SECISBP2L: variants seen among roughly 807,000 people sequenced by gnomAD.
SECISBP2L encodes the protein SECIS binding protein 2 like, also known as selenocysteine insertion sequence-binding protein 2-like.
SECISBP2L carries 43 observed loss-of-function variants against 114.7 expected under a neutral mutation model. The ratio of observed to expected loss-of-function variants is 0.38; its 90% CI spans 0.29 to 0.48. The LOEUF is 0.48. Among genes scored for constraint, SECISBP2L ranks in the 20% least tolerant of loss-of-function variants. The probability of loss-of-function intolerance (pLI) is 0.98; values close to 1 mark genes in which losing one functional copy is unlikely to be tolerated. For synonymous variants in SECISBP2L, 451 were observed against 439.7 expected, an observed-to-expected ratio of 1.03 and a Z score of -0.32; for missense variants, 1,136 against 1,301.1, an observed-to-expected ratio of 0.87 and a Z score of 1.95.
In SECISBP2L at chr15:48,989,721, CTA is replaced by C. The variant is rs1419714602; in HGVS notation, c.*2521_*2522del. 3 of 152,112 alleles carry C rather than the reference CTA, an allele frequency of 2.0e-5. No homozygotes were observed. Among genetic ancestry groups the C allele is most frequent in the Non-Finnish European group, 4.4e-5 (3 of 68,008 alleles). The allele number at this position is 152,112 out of a possible 1,614,324, so 9.4% of individuals were successfully genotyped here. A position where few individuals can be genotyped will look rare whatever the true frequency, so the allele number is the denominator to read the frequency against. Reference sequence around the variant, plus strand: ...CTCTACACATTAAGAGAAAAAATCACTATGTTTTTTATTTCTTGTGATGATGA... The same window carrying C: ...CTCTACACATTAAGAGAAAAAATCACTGTTTTTTATTTCTTGTGATGATGA... On this transcript the variant is annotated 3_prime_UTR_variant, in exon 18 of 18. Coordinates refer to ENST00000559471, the MANE Select transcript of SECISBP2L (RefSeq NM_001193489.2).
At chr15:49,046,051 C>G (rs1196863929) in intron 1 of SECISBP2L, among the ~76,000 whole-genome samples, 1 of 152,188 alleles carries the variant, frequency 6.6e-6, no homozygotes, top group African/African-American at 2.4e-5. Context: ...GAAGCGGCAA[C>G]GGCGAGCCCT....
At chr15:49,039,691 T>C (rs891720398) in intron 1 of SECISBP2L, among the ~76,000 whole-genome samples, 3 of 151,338 alleles carry the variant, frequency 2.0e-5, no homozygotes, top group South Asian at 2.1e-4. Flanking sequence ...CACATCACCA[T>C]ACCCAGCAAA....
chr15:49,015,441 GCACA>G (rs1902517618), intron 11 of SECISBP2L, among the ~76,000 whole-genome samples: 1 of 152,068 alleles, frequency 6.6e-6, no homozygotes, highest in Non-Finnish European at 1.5e-5. Flanking sequence ...TAAACGTTTT[GCACA>G]CAGGTTAAAA....
At chr15:49,038,512 A>G (rs565801578) in intron 1 of SECISBP2L, among the ~76,000 whole-genome samples, 18 of 152,152 alleles carry the variant, frequency 1.2e-4, no homozygotes, top group African/African-American at 4.1e-4. Context: ...AAAATCCATA[A>G]AAGTCAGGAT....
At chr15:49,016,722 A>G in intron 10 of SECISBP2L, 21 bp from the exon 11 acceptor site, 1 of 1,524,730 alleles carries the variant, frequency 6.6e-7, no homozygotes, top group Non-Finnish European at 8.8e-7. Context: ...AATATAAAAA[A>G]TTAATTTTTT....
rs145065907 is a variant in SECISBP2L at position 49,029,145 on chromosome 15, C to T, written c.665-463G>A. Among the ~76,000 whole-genome samples, 810 of 152,270 alleles carry T rather than the reference C, an allele frequency of 5.3e-3. 13 individuals are homozygous for T. Among genetic ancestry groups the T allele is most frequent in the African/African-American group, 0.018 (764 of 41,568 alleles). ...CTGGGATTACAGGCATGAGCTACCT[C>T]GCCCAGTCTATATGTTCTATATGTT... On this transcript the variant is annotated intron_variant, in intron 4 of 17. Transcript: ENST00000559471.
chr15:49,029,833 T>G lies in SECISBP2L; in HGVS notation c.665-1151A>C, dbSNP rs188751404. Among the ~76,000 whole-genome samples, 14 of 152,188 alleles carry G rather than the reference T, an allele frequency of 9.2e-5. No homozygotes were observed. The East Asian group carries it at 2.7e-3, about 29-fold the overall frequency. The stretch of plus-strand genomic sequence containing the variant: ...ATCATCCAGACTGTACCTAATCTGT[T>G]GGTTATAAAATGGTGGCTCATTGTG... On this transcript the variant is annotated intron_variant, in intron 4 of 17. Transcript: ENST00000559471.
chr15:49,045,054 T>G (rs1006794231), intron 1 of SECISBP2L, among the ~76,000 whole-genome samples: 6 of 152,220 alleles, frequency 3.9e-5, no homozygotes, highest in Middle Eastern at 3.2e-3. Context: ...TACAGAATAC[T>G]TCTGGGTCAC....
intron 10 of SECISBP2L, 64 bp from the exon 11 acceptor site, chr15:49,016,765 G>C: frequency 6.6e-7 from 1 of 1,526,716 alleles, no homozygotes; most frequent in Non-Finnish European, 8.8e-7. Flanking sequence ...ATTTTAAGAT[G>C]ACTACATTTA....
intron 7 of SECISBP2L, among the ~76,000 whole-genome samples, chr15:49,025,242 T>C (rs1384389927): frequency 6.6e-6 from 1 of 152,220 alleles, no homozygotes; most frequent in Non-Finnish European, 1.5e-5. Context: ...TTATTTTTTT[T>C]TGACAGCCTA....
intron 13 of SECISBP2L, among the ~76,000 whole-genome samples, chr15:49,009,801 A>C (rs1902400579): frequency 6.6e-6 from 1 of 152,114 alleles, no homozygotes. Context: ...TACCTAAAAC[A>C]TGTGTTCCCA....
At position 48,996,374 on chromosome 15, in the gene SECISBP2L, C is replaced by T; in HGVS notation, c.2616G>A (p.Lys872=). 6.2e-7 allele frequency: 1 copy of T among 1,613,722 alleles called. No homozygotes were observed. Among genetic ancestry groups the T allele is most frequent in the Non-Finnish European group, 8.5e-7 (1 of 1,179,782 alleles). The change falls in exon 17 of 18, where the codon AAG becomes AAA. Residue 872 remains lysine, a synonymous_variant. Coordinates refer to ENST00000559471, the MANE Select transcript of SECISBP2L (RefSeq NM_001193489.2). ...TAGTATTCAACAACTTACCATATTC[C>T]TTTTCATTTACTTCAGAGATCGGTT... is the stretch of plus-strand genomic sequence containing the variant. The part of the protein sequence containing the change: ...ISEPISEVNE[K]EYETNWRNMV...
At position 48,991,954 on chromosome 15, in the gene SECISBP2L, T is replaced by A. The variant is rs1351583981; in HGVS notation, c.*290A>T. On this transcript the variant is annotated 3_prime_UTR_variant, in exon 18 of 18. Coordinates refer to ENST00000559471, the MANE Select transcript of SECISBP2L (RefSeq NM_001193489.2). ...TTTAACTTTCAAAATGTCTTTTAAG[T>A]AAGCATTTGAAATTTATTTTCTTTA... is the stretch of plus-strand genomic sequence containing the variant. 1.9e-5 allele frequency: 5 copies of A among 259,542 alleles called. No individual in the cohort carries two copies. The highest frequency in any genetic ancestry group is 1.1e-4 in the African/African-American group (5 of 45,022). The allele number at this position is 259,542 out of a possible 1,614,324, so 16.1% of individuals were successfully genotyped here.
chr15:49,000,298 T>C (rs980585418), intron 15 of SECISBP2L, among the ~76,000 whole-genome samples: 3 of 152,214 alleles, frequency 2.0e-5, no homozygotes, highest in Non-Finnish European at 2.9e-5. Flanking sequence ...AAATTGTCAA[T>C]AGTGGCTGAC....
In SECISBP2L at chr15:48,992,234, A is replaced by G. The variant is rs1032937166; in HGVS notation, c.*10T>C. ...CCACAGCTGGAGATAGAGAGCCGAC[A>G]TTTCCTGAGTTACGTAGTTTGCGTT... On this transcript the variant is annotated 3_prime_UTR_variant, in exon 18 of 18. Coordinates refer to ENST00000559471, the MANE Select transcript of SECISBP2L (RefSeq NM_001193489.2). The G allele has an allele frequency of 1.9e-6, 3 of 1,582,726 alleles. No homozygotes were observed. The highest frequency in any genetic ancestry group is 2.7e-5 in the African/African-American group (2 of 73,496).
At position 49,046,289 on chromosome 15, in the gene SECISBP2L, G is replaced by A. The variant is rs1213295125; in HGVS notation, c.11C>T (p.Ala4Val). 5 of 1,558,524 alleles carry A rather than the reference G, an allele frequency of 3.2e-6. No individual in the cohort carries two copies. The highest frequency in any genetic ancestry group is 4.3e-6 in the Non-Finnish European group (5 of 1,153,848). ...AAACCCGCGTACCTGCTCCGTGGGG[G>A]CTCGGTCCATGGTGCCTGCAGCCGC... MDR[A>V]PTEQNVKLSA... The change falls in exon 1 of 18, where the codon GCC (alanine) becomes GTC (valine). Residue 4 changes from alanine (A) to valine (V), a missense_variant. This residue lies in a region of SECISBP2L where 452 missense variants were observed against 452.3 expected (regional missense o/e 1.00). Coordinates refer to ENST00000559471, the MANE Select transcript of SECISBP2L (RefSeq NM_001193489.2).
chr15:49,028,621 C>T lies in SECISBP2L; in HGVS notation c.726G>A (p.Lys242=). Residue 242 remains lysine (K), a synonymous_variant, in exon 5 of 18, where the codon AAG becomes AAA. Coordinates refer to ENST00000559471, the MANE Select transcript of SECISBP2L (RefSeq NM_001193489.2). ...ATGCTCTTCTTCTCCTGCCCTTGGA[C>T]TTCCAGAGCATTGTTGCAGTGGTCT... ...LSETTATMLW[K]SKGRRRRASH... 3 of 1,614,134 alleles carry T rather than the reference C, an allele frequency of 1.9e-6. No individual in the cohort carries two copies. Among genetic ancestry groups the T allele is most frequent in the Non-Finnish European group, 2.5e-6 (3 of 1,180,016 alleles).
intron 1 of SECISBP2L, among the ~76,000 whole-genome samples, chr15:49,042,907 G>C (rs186130351): frequency 6.6e-6 from 1 of 152,110 alleles, no homozygotes; most frequent in Non-Finnish European, 1.5e-5. Flanking sequence ...GTGCACACCT[G>C]TAATCCCAGC....
In SECISBP2L at chr15:49,017,605, T is replaced by C; in HGVS notation, c.1194A>G (p.Leu398=). ...YFEDEDGFQE[L]NENGNAKDEN... is the part of the protein sequence containing the mutation. The stretch of plus-strand genomic sequence containing the variant: ...CATCCTTAGCATTTCCATTCTCATT[T>C]AGTTCTTGAAACCCATCTTCATCCT... The change falls in exon 9 of 18, where the codon CTA becomes CTG. Residue 398 remains leucine, a synonymous_variant. Transcript: ENST00000559471. The C allele has an allele frequency of 3.1e-6, 5 of 1,609,196 alleles. No individual in the cohort carries two copies. Among genetic ancestry groups the C allele is most frequent in the Non-Finnish European group, 4.2e-6 (5 of 1,178,304 alleles).
Sources: gnomAD v4.1 joint callset for allele counts (sites outside exome capture counted in the v4.1 genomes callset) on GRCh38, gnomAD v4.1.1 for gene constraint, gnomAD v4.1.1 regional missense constraint, MANE v1.5 for transcripts, NCBI Gene and HGNC (gene_info 2026-07-23, HGNC 2026-07-21) for gene names.